Variants in RAP1GAP2 observed in about 807,000 individuals in gnomAD.
RAP1GAP2 encodes RAP1 GTPase activating protein 2.
A neutral mutation model predicts 95.0 loss-of-function variants in RAP1GAP2; 27 were observed. That is an observed-to-expected ratio of 0.28 (90% CI 0.21 to 0.39). The LOEUF (loss-of-function observed/expected upper bound fraction) is 0.39, where lower values mean the gene tolerates loss of function less well. RAP1GAP2 is among the 10% of genes least tolerant of loss of function. RAP1GAP2 has a pLI of 1.00. For synonymous variants in RAP1GAP2, 373 were observed against 380.9 expected, an observed-to-expected ratio of 0.98 and a Z score of 0.24; for missense variants, 771 against 970.0, an observed-to-expected ratio of 0.79 and a Z score of 2.72.
intron 1 of RAP1GAP2, among the ~76,000 whole-genome samples, chr17:2,758,324 C>T (rs975132634): frequency 1.3e-5 from 2 of 151,474 alleles, no homozygotes; most frequent in African/African-American, 4.9e-5. Flanking sequence ...TACAGGTGCG[C>T]ACCACCACGC....
In RAP1GAP2 at chr17:2,954,439, A is replaced by G. The variant is rs118012883; in HGVS notation, c.166-3320A>G. Among the ~76,000 whole-genome samples the G allele has an allele frequency of 1.4e-3, 219 of 151,856 alleles. 5 individuals carry two copies. In the East Asian group the frequency reaches 0.041, roughly 29 times the overall value. ...GTTTTTGTGTGGACGTGTATTTTCC[A>G]TTCTCTTGTGTAGGTGTCTAGGAGT... On this transcript the variant is annotated intron_variant, in intron 3 of 24. Transcript: ENST00000254695.
intron 4 of RAP1GAP2, 25 bp downstream of exon 4, chr17:2,957,819 G>A (rs147920112): frequency 1.4e-4 from 212 of 1,568,018 alleles, no homozygotes; most frequent in African/African-American, 1.1e-3. Context: ...CCACCGTGGC[G>A]GGGAAGAAGC....
At chr17:2,828,256 G>A (rs548422508) in intron 2 of RAP1GAP2, among the ~76,000 whole-genome samples, 2 of 152,176 alleles carry the variant, frequency 1.3e-5, no homozygotes, top group African/African-American at 2.4e-5. Flanking sequence ...CAGGAGAATC[G>A]CTTGAACCTG....
chr17:2,888,209 G>T (rs1428163876), intron 2 of RAP1GAP2, among the ~76,000 whole-genome samples: 1 of 152,164 alleles, frequency 6.6e-6, no homozygotes, highest in East Asian at 1.9e-4. Context: ...TATACAATGT[G>T]TAATCATCAA....
At chr17:2,956,280 T>A (rs1365832448) in intron 3 of RAP1GAP2, among the ~76,000 whole-genome samples, 5 of 151,950 alleles carry the variant, frequency 3.3e-5, no homozygotes, top group African/African-American at 1.2e-4. Flanking sequence ...ACACGTGGGG[T>A]TTCTAGATGC....
intron 1 of RAP1GAP2, among the ~76,000 whole-genome samples, chr17:2,761,178 C>T (rs1215601529): frequency 6.6e-6 from 1 of 151,724 alleles, no homozygotes; most frequent in Non-Finnish European, 1.5e-5. Flanking sequence ...TGGTCTTGAA[C>T]TCCTGACCTT....
intron 8 of RAP1GAP2, among the ~76,000 whole-genome samples, chr17:2,978,697 G>A (rs1370240997): frequency 6.6e-6 from 1 of 150,544 alleles, no homozygotes; most frequent in African/African-American, 2.4e-5. Flanking sequence ...ACTTTGGGAG[G>A]CGGAGGTGGG....
At chr17:2,829,817 A>T (rs199631527) in intron 2 of RAP1GAP2, among the ~76,000 whole-genome samples, 6 of 130,960 alleles carry the variant, frequency 4.6e-5, no homozygotes, top group Non-Finnish European at 4.8e-5. Context: ...TCTCTCTTAA[A>T]TTTTTTTTTT....
intron 1 of RAP1GAP2, among the ~76,000 whole-genome samples, chr17:2,788,254 A>C (rs1414591619): frequency 4.6e-5 from 7 of 152,108 alleles, no homozygotes. Context: ...GTGTGTGTTT[A>C]GATTTATTAT....
chr17:2,759,082 C>A (rs766006912), intron 1 of RAP1GAP2, among the ~76,000 whole-genome samples: 1 of 151,888 alleles, frequency 6.6e-6, no homozygotes, highest in Non-Finnish European at 1.5e-5. Flanking sequence ...TCAAGGGATC[C>A]TCCCATCTTG....
In RAP1GAP2 at chr17:3,035,994, T is replaced by C. The variant is rs561964309; in HGVS notation, c.*2633T>C. The C allele has an allele frequency of 6.6e-6, 1 of 152,340 alleles. No homozygotes were observed. Among genetic ancestry groups the C allele is most frequent in the African/African-American group, 2.4e-5 (1 of 41,574 alleles). 9.4% of individuals were successfully genotyped at this position (152,340 alleles called of 1,614,324 possible). On this transcript the variant is annotated 3_prime_UTR_variant, in exon 25 of 25. Coordinates refer to ENST00000254695, the MANE Select transcript of RAP1GAP2 (RefSeq NM_015085.5). The surrounding 1 kb of genome is among the most constrained non-coding windows in gnomAD (Gnocchi z 4.3). ...ACGAGGGGATGTTTTCCGGGACACATCTCTGGCTCTGGGAACTGCCTGACT... is the reference window on the plus strand; with the variant it reads ...ACGAGGGGATGTTTTCCGGGACACACCTCTGGCTCTGGGAACTGCCTGACT...
intron 4 of RAP1GAP2, among the ~76,000 whole-genome samples, chr17:2,960,613 G>A (rs1394548242): frequency 1.3e-5 from 2 of 152,218 alleles, no homozygotes; most frequent in Non-Finnish European, 2.9e-5. Context: ...TCTAGGCCCT[G>A]CCACTCACTG....
intron 2 of RAP1GAP2, among the ~76,000 whole-genome samples, chr17:2,877,833 TA>T (rs1234847274): frequency 6.6e-6 from 1 of 152,140 alleles, no homozygotes; most frequent in African/African-American, 2.4e-5. Context: ...AGGCCTTAGA[TA>T]GGGGGCTCAT....
chr17:2,853,864 A>T (rs1048690611), intron 2 of RAP1GAP2: 55 of 943,434 alleles, frequency 5.8e-5, no homozygotes, highest in Non-Finnish European at 6.4e-5. Flanking sequence ...GGGCGCACCT[A>T]GGCGGGGCGG....
At chr17:2,908,306 A>C (rs1204437842) in intron 3 of RAP1GAP2, among the ~76,000 whole-genome samples, 2 of 152,186 alleles carry the variant, frequency 1.3e-5, no homozygotes, top group Non-Finnish European at 2.9e-5. Context: ...GGACCAGATC[A>C]AGCAGACGCT....
intron 3 of RAP1GAP2, among the ~76,000 whole-genome samples, chr17:2,908,571 G>A (rs889341346): frequency 6.6e-6 from 1 of 152,034 alleles, no homozygotes; most frequent in Non-Finnish European, 1.5e-5. Flanking sequence ...TGCAGGTGGT[G>A]AATTGATGAG....
At chr17:2,950,907 G>A (rs573659058) in intron 3 of RAP1GAP2, among the ~76,000 whole-genome samples, 89 of 152,050 alleles carry the variant, frequency 5.9e-4, no homozygotes, top group Middle Eastern at 3.4e-3. Context: ...CACCGCGCCC[G>A]GCCTGCTTCA....
intron 1 of RAP1GAP2, chr17:2,800,123 T>C (rs569398663): frequency 1.1e-6 from 1 of 907,444 alleles, no homozygotes; most frequent in East Asian, 1.2e-4. Flanking sequence ...ACATCCGTGC[T>C]GACCCCTGAA....
At chr17:2,776,661 AC>A (rs910726653), upstream of RAP1GAP2, among the ~76,000 whole-genome samples, 102 of 150,680 alleles carry the variant, frequency 6.8e-4, no homozygotes, top group African/African-American at 2.3e-3. Context: ...AGGACCCCGG[AC>A]CCTGGATCGG....
Sources: allele counts gnomAD v4.1 joint callset (sites outside exome capture counted in the v4.1 genomes callset), GRCh38; gene constraint gnomAD v4.1.1; non-coding constraint Gnocchi (gnomAD v3.1); transcripts MANE v1.5; gene names NCBI Gene and HGNC (gene_info 2026-07-23, HGNC 2026-07-21).